FANCD2: variants seen among roughly 807,000 people sequenced by gnomAD.
The protein encoded by FANCD2 is Fanconi anemia group D2 protein.
In FANCD2, 131 loss-of-function variants were observed where a neutral mutation model predicts 192.3. That is an observed-to-expected ratio of 0.68 (90% CI 0.59 to 0.79). FANCD2 has a LOEUF of 0.79. Ranked by LOEUF, FANCD2 falls within the 30% of genes least tolerant of loss-of-function variation. The pLI is 0.00. For synonymous variants in FANCD2, 524 were observed against 612.5 expected, an observed-to-expected ratio of 0.86 and a Z score of 2.13; for missense variants, 1,508 against 1,701.6, an observed-to-expected ratio of 0.89 and a Z score of 2.00.
At chr3:10,027,810 CAGG>C (rs1293658485) in intron 1 of FANCD2, among the ~76,000 whole-genome samples, 1 of 148,046 alleles carries the variant, frequency 6.8e-6, no homozygotes, top group African/African-American at 2.5e-5. Context: ...GAAGCTGAGG[CAGG>C]AGAATGGTGT....
At chr3:10,094,444 C>A in intron 40 of FANCD2, 81 bp downstream of exon 40, 1 of 1,229,002 alleles carries the variant, frequency 8.1e-7, no homozygotes, top group Non-Finnish European at 1.2e-6. Context: ...CTGGGTGGGG[C>A]TGGGAGTGTT....
intron 23 of FANCD2, 119 bp from the exon 24 acceptor site, chr3:10,065,275 C>A: frequency 1.3e-6 from 1 of 766,842 alleles, no homozygotes; most frequent in Non-Finnish European, 2.3e-6. Context: ...GGCGACAGAG[C>A]AAGACTCTGT....
At position 10,054,403 on chromosome 3, in the gene FANCD2, G is replaced by A. The variant is rs1395652365; in HGVS notation, c.1656+1906G>A. 2.3e-4 allele frequency among the ~76,000 whole-genome samples: 17 copies of A among 74,348 alleles called. 1 individual carries two copies. The highest frequency in any genetic ancestry group is 1.0e-3 in the African/African-American group (13 of 12,508). 48.8% of individuals were successfully genotyped at this position (74,348 alleles called of 152,430 possible). A position where few individuals can be genotyped will look rare whatever the true frequency, so the allele number is the denominator to read the frequency against. On this transcript the variant is annotated intron_variant, in intron 18 of 43. Transcript: ENST00000675286. ...CATATATATATGTATATACGTATAT[G>A]TATATACGTATATACATATATACAT...
intron 32 of FANCD2, 133 bp from the exon 33 acceptor site, chr3:10,085,679 C>T (rs1694150042): frequency 1.4e-6 from 1 of 721,950 alleles, no homozygotes; most frequent in South Asian, 1.4e-5. Context: ...TGTGAGCCAC[C>T]ACGCCCGACC....
chr3:10,095,430 G>T, intron 41 of FANCD2, 156 bp downstream of exon 41: 1 of 688,162 alleles, frequency 1.5e-6, no homozygotes. Flanking sequence ...GTTGCTCCTT[G>T]AGATTGGGCA....
intron 2 of FANCD2, among the ~76,000 whole-genome samples, chr3:10,031,810 G>A (rs909857265): frequency 2.6e-5 from 4 of 152,092 alleles, no homozygotes; most frequent in Non-Finnish European, 5.9e-5. Flanking sequence ...CCATTCCCAA[G>A]ATTTTGACTC....
rs1459891561 is a variant in FANCD2, at chr3:10,042,553, T to G, written c.784-6T>G. 1.2e-6 allele frequency: 2 copies of G among 1,611,460 alleles called. No individual in the cohort carries two copies. The highest frequency in any genetic ancestry group is 2.2e-5 in the East Asian group (1 of 44,854). On this transcript the variant is annotated splice_region_variant and splice_polypyrimidine_tract_variant and intron_variant, in intron 10 of 43. Coordinates refer to ENST00000675286, the MANE Select transcript of FANCD2 (RefSeq NM_001018115.3). ...CCTATTAAGTTTCTGTGCTTTTAAT[T>G]TTTAGGTTCGCCAGTTGGTGATGGA...
intron 20 of FANCD2, among the ~76,000 whole-genome samples, chr3:10,062,443 T>C (rs35868820): frequency 1.2e-4 from 19 of 152,156 alleles, no homozygotes; most frequent in Non-Finnish European, 2.2e-4. Flanking sequence ...GGTTTCACCA[T>C]GTTGGCCCCG....
At chr3:10,099,112 A>G in intron 43 of FANCD2, 6 of 1,504,322 alleles carry the variant, frequency 4.0e-6, no homozygotes, top group Non-Finnish European at 5.3e-6. Flanking sequence ...ACCATTTTAG[A>G]AGGGAGAAGT....
chr3:10,052,422 G>T lies in FANCD2; in HGVS notation c.1581G>T (p.Gln527His), dbSNP rs759354462. Residue 527 changes from glutamine (Q) to histidine (H), a missense_variant, in exon 18 of 44, where the codon CAG becomes CAT. Gln to His is a conservative substitution (Grantham distance 24). Around this residue, in one of 5 missense-constraint regions of FANCD2, gnomAD observed 110 missense variants for 114.4 expected, o/e 0.96. Coordinates refer to ENST00000675286, the MANE Select transcript of FANCD2 (RefSeq NM_001018115.3). ...ATTATCTGGATAACATATCCCCTCA[G>T]CAAATACGAAAACTCTTCTATGTTC... is the stretch of plus-strand genomic sequence containing the variant. ...ILDYLDNISP[Q>H]QIRKLFYVLS... is the part of the protein sequence containing the mutation. The T allele has an allele frequency of 2.5e-6, 4 of 1,613,336 alleles. No individual in the cohort carries two copies. Among genetic ancestry groups the T allele is most frequent in the Non-Finnish European group, 2.5e-6 (3 of 1,179,660 alleles).
intron 17 of FANCD2, among the ~76,000 whole-genome samples, chr3:10,050,639 AAAAAG>A (rs1189560939): frequency 2.0e-5 from 3 of 151,674 alleles, no homozygotes; most frequent in Non-Finnish European, 2.9e-5. Flanking sequence ...AAAAAAAAAA[AAAAAG>A]GCTTAGAAGA....
intron 14 of FANCD2, 129 bp from the exon 15 acceptor site, chr3:10,046,451 G>C: frequency 6.9e-7 from 1 of 1,450,562 alleles, no homozygotes; most frequent in Non-Finnish European, 9.4e-7. Context: ...GATACTCCCA[G>C]GGGAGTGTGT....
In FANCD2 at chr3:10,088,913, A is replaced by G. The variant is rs367552677; in HGVS notation, c.3646A>G (p.Lys1216Glu). ...TGTCCCAGAACTGATCAACTCTCCT[A>G]AAGATGCATCTTCCTCCACATTCCC... is the stretch of plus-strand genomic sequence containing the variant. ...VGVPELINSP[K>E]DASSSTFPTL... The change falls in exon 36 of 44, where the codon AAA becomes GAA. Residue 1216 changes from lysine to glutamate, a missense_variant. By Grantham distance (56) the Lys-to-Glu change is moderately conservative (BLOSUM62 1). Around this residue, in one of 5 missense-constraint regions of FANCD2, gnomAD observed 796 missense variants for 879.4 expected, o/e 0.91. Coordinates refer to ENST00000675286, the MANE Select transcript of FANCD2 (RefSeq NM_001018115.3). 1.7e-5 allele frequency: 28 copies of G among 1,613,828 alleles called. No individual in the cohort carries two copies. Among genetic ancestry groups the G allele is most frequent in the East Asian group, 2.2e-5 (1 of 44,866 alleles).
At chr3:10,094,166 A>G in intron 39 of FANCD2, 123 bp from the exon 40 acceptor site, 1 of 744,776 alleles carries the variant, frequency 1.3e-6, no homozygotes, top group South Asian at 1.6e-5. Context: ...GACCCTTCCC[A>G]ATTTGTTTTT....
chr3:10,052,352 T>C (rs1333808158), intron 17 of FANCD2, 35 bp from the exon 18 acceptor site: 2 of 1,295,912 alleles, frequency 1.5e-6, no homozygotes, highest in African/African-American at 1.5e-5. Context: ...AAATGTTAGC[T>C]GCTAGCCTCA....
chr3:10,101,720 G>GATACGGC lies in FANCD2; in HGVS notation c.*458_*459insATACGGC. ...TAAAGTGGGGTCTTTATTAACTTGT[G>GATACGGC]GACATCATGGATTGTCTAACACCAT... On this transcript the variant is annotated 3_prime_UTR_variant, in exon 44 of 44. Coordinates refer to ENST00000675286, the MANE Select transcript of FANCD2 (RefSeq NM_001018115.3). The GATACGGC allele has an allele frequency of 3.9e-6, 1 of 256,684 alleles. No homozygotes were observed. The allele number at this position is 256,684 out of a possible 1,614,324, so 15.9% of individuals were successfully genotyped here.
chr3:10,082,746 C>T (rs547132561), intron 32 of FANCD2, among the ~76,000 whole-genome samples: 1 of 152,268 alleles, frequency 6.6e-6, no homozygotes, highest in African/African-American at 2.4e-5. Flanking sequence ...TCTTCTAACA[C>T]TCTGGTATCC....
At chr3:10,062,008 T>A (rs1056577368) in intron 19 of FANCD2, 143 bp from the exon 20 acceptor site, 1 of 553,102 alleles carries the variant, frequency 1.8e-6, no homozygotes, top group Admixed American at 2.8e-5. Flanking sequence ...TTAGGAGATA[T>A]ACTTAATGCT....
chr3:10,035,906 T>A (rs989276510), intron 6 of FANCD2, among the ~76,000 whole-genome samples: 1 of 152,084 alleles, frequency 6.6e-6, no homozygotes, highest in Non-Finnish European at 1.5e-5. Context: ...AATTATCTGA[T>A]TATTTTAACG....
Sources: gnomAD v4.1 joint callset for allele counts (sites outside exome capture counted in the v4.1 genomes callset) on GRCh38, gnomAD v4.1.1 for gene constraint, gnomAD v4.1.1 regional missense constraint, MANE v1.5 for transcripts, NCBI Gene and HGNC (gene_info 2026-07-23, HGNC 2026-07-21) for gene names.